LY86: variants seen among roughly 807,000 people sequenced by gnomAD.
LY86 encodes the protein lymphocyte antigen 86, also known as MD-1, RP105-associated.
A neutral mutation model predicts 17.3 loss-of-function variants in LY86; 20 were observed. The ratio of observed to expected loss-of-function variants is 1.15; its 90% CI spans 0.81 to 1.68. The LOEUF is 1.68. Among genes scored for constraint, LY86 ranks in the 40% most tolerant of loss-of-function variants. The pLI, the probability that LY86 is intolerant of heterozygous loss-of-function variation, is 0.00. For synonymous variants in LY86, 74 were observed against 70.6 expected, an observed-to-expected ratio of 1.05 and a Z score of -0.24; for missense variants, 200 against 191.9, an observed-to-expected ratio of 1.04 and a Z score of -0.25.
At chr6:6,620,697 G>A (rs368395238) in intron 1 of LY86, 1 of 152,308 alleles carries the variant, frequency 6.6e-6, no homozygotes, top group Non-Finnish European at 1.5e-5. Flanking sequence ...CCCCTCGACA[G>A]CTGCCCAGGT....
chr6:6,590,120 A>T (rs1040837032), intron 1 of LY86, among the ~76,000 whole-genome samples: 15 of 50,252 alleles, frequency 3.0e-4, no homozygotes, highest in South Asian at 1.1e-3. Flanking sequence ...CTCTGTCTTA[A>T]AAAAAAAAAA....
chr6:6,623,536 T>A (rs989980694), intron 1 of LY86, among the ~76,000 whole-genome samples: 1 of 152,056 alleles, frequency 6.6e-6, no homozygotes, highest in Non-Finnish European at 1.5e-5. Context: ...AGGAGAAACA[T>A]GATTACCGAG....
At chr6:6,639,078 A>G (rs1244987300) in intron 3 of LY86, among the ~76,000 whole-genome samples, 4 of 152,146 alleles carry the variant, frequency 2.6e-5, no homozygotes, top group Non-Finnish European at 5.9e-5. Flanking sequence ...CATATACACC[A>G]TGGAATACTA....
intron 1 of LY86, among the ~76,000 whole-genome samples, chr6:6,606,001 AAG>A (rs1761127327): frequency 6.6e-6 from 1 of 152,158 alleles, no homozygotes; most frequent in African/African-American, 2.4e-5. Context: ...TTACTGCGAA[AAG>A]CAAAAGAACA....
intron 3 of LY86, among the ~76,000 whole-genome samples, chr6:6,637,012 T>TTG (rs1761969775): frequency 6.7e-6 from 1 of 148,184 alleles, no homozygotes; most frequent in East Asian, 2.0e-4. Flanking sequence ...TGGTTTTTTT[T>TTG]TTTTTTTTTT....
chr6:6,603,864 A>C (rs1453076896), intron 1 of LY86, among the ~76,000 whole-genome samples: 2 of 151,638 alleles, frequency 1.3e-5, no homozygotes, highest in East Asian at 3.9e-4. Flanking sequence ...AAGAAATAAT[A>C]AAAGAAACAG....
intron 1 of LY86, among the ~76,000 whole-genome samples, chr6:6,613,294 G>A (rs1363293547): frequency 3.3e-5 from 5 of 152,242 alleles, no homozygotes; most frequent in African/African-American, 1.2e-4. Context: ...CAGCCCTTGT[G>A]CAGTCTAGGG....
At chr6:6,592,971 A>G (rs1581227860) in intron 1 of LY86, among the ~76,000 whole-genome samples, 1 of 152,256 alleles carries the variant, frequency 6.6e-6, no homozygotes, top group Non-Finnish European at 1.5e-5. Flanking sequence ...TAGAATCTGG[A>G]GTCAGCAAAG....
intron 1 of LY86, among the ~76,000 whole-genome samples, chr6:6,614,487 G>A (rs780704406): frequency 6.6e-6 from 1 of 151,482 alleles, no homozygotes; most frequent in African/African-American, 2.4e-5. Flanking sequence ...GGACTCCTGC[G>A]CATACCAGGC....
chr6:6,609,429 A>G (rs1450253029), intron 1 of LY86, among the ~76,000 whole-genome samples: 1 of 152,230 alleles, frequency 6.6e-6, no homozygotes, highest in Non-Finnish European at 1.5e-5. Context: ...GCTTCACGGT[A>G]TCTTTAGGAA....
chr6:6,597,886 GCT>G (rs755931422), intron 1 of LY86, among the ~76,000 whole-genome samples: 9 of 152,364 alleles, frequency 5.9e-5, no homozygotes, highest in Non-Finnish European at 8.8e-5. Context: ...GCGTCCAAAG[GCT>G]CTCTTATTTG....
chr6:6,626,089 C>G (rs189217346), intron 2 of LY86, among the ~76,000 whole-genome samples: 2 of 152,334 alleles, frequency 1.3e-5, no homozygotes, highest in East Asian at 3.9e-4. Flanking sequence ...GAAACAGCCA[C>G]CTTTCATACG....
intron 1 of LY86, among the ~76,000 whole-genome samples, chr6:6,612,327 G>C (rs565316105): frequency 6.6e-6 from 1 of 152,330 alleles, no homozygotes; most frequent in African/African-American, 2.4e-5. Context: ...TGAAACTGCA[G>C]ACCCTCGCAG....
intron 1 of LY86, among the ~76,000 whole-genome samples, chr6:6,598,747 GCCTGCCCTTGCCTTCTCCCATTGGA>G (rs1760797176): frequency 4.4e-5 from 1 of 22,630 alleles, no homozygotes; most frequent in Non-Finnish European, 1.7e-4. Context: ...GGAAACTCAT[GCCTGCCCTTGCCTTCTCCCATTGGA>G]AACTCATGCC....
At chr6:6,640,696 A>G (rs1302780058) in intron 3 of LY86, among the ~76,000 whole-genome samples, 1 of 152,086 alleles carries the variant, frequency 6.6e-6, no homozygotes, top group East Asian at 1.9e-4. Flanking sequence ...CCTGGGCAAC[A>G]GAGTGAGATT....
intron 1 of LY86, among the ~76,000 whole-genome samples, chr6:6,589,886 CTGAGGAGGG>C (rs1259857512): frequency 6.6e-6 from 1 of 152,066 alleles, no homozygotes; most frequent in Non-Finnish European, 1.5e-5. Flanking sequence ...CTTTGGGAGG[CTGAGGAGGG>C]TGAACCACTT....
At chr6:6,602,041 C>G (rs1441903319) in intron 1 of LY86, among the ~76,000 whole-genome samples, 1 of 152,234 alleles carries the variant, frequency 6.6e-6, no homozygotes, top group Non-Finnish European at 1.5e-5. Context: ...TTAGCCAGGT[C>G]ATGCCTTTTA....
intron 4 of LY86, 99 bp from the exon 5 acceptor site, chr6:6,654,445 A>G: frequency 1.1e-6 from 1 of 880,316 alleles, no homozygotes; most frequent in Non-Finnish European, 1.8e-6. Context: ...CAATGTCCAG[A>G]ACAGCACCCA....
chr6:6,624,426 T>TGGGATGGGATGGGATGGGAGGGGTTGGG (rs1289494640), intron 1 of LY86, among the ~76,000 whole-genome samples: 1 of 151,638 alleles, frequency 6.6e-6, no homozygotes, highest in African/African-American at 2.4e-5. Context: ...TGGGATGGGA[T>TGGGATGGGATGGGATGGGAGGGGTTGGG]AAAATGGAAT....
Sources: gnomAD v4.1 joint callset for allele counts (sites outside exome capture counted in the v4.1 genomes callset) on GRCh38, gnomAD v4.1.1 for gene constraint, MANE v1.5 for transcripts, NCBI Gene and HGNC (gene_info 2026-07-23, HGNC 2026-07-21) for gene names.